The following GMDS variants were observed in gnomAD, a reference collection of about 807,000 sequenced individuals.
The protein encoded by GMDS is GDP-mannose 4,6 dehydratase.
A neutral mutation model predicts 49.9 loss-of-function variants in GMDS; 20 were observed. The ratio of observed to expected loss-of-function variants is 0.40; its 90% CI spans 0.28 to 0.58. GMDS has a LOEUF of 0.58. Ranked by LOEUF, GMDS falls within the 20% of genes least tolerant of loss-of-function variation. The pLI, the probability that GMDS is intolerant of heterozygous loss-of-function variation, is 0.42. For synonymous variants in GMDS, 177 were observed against 178.6 expected (o/e 0.99, Z 0.07); for missense variants, 362 against 481.4 (o/e 0.75, Z 2.32).
chr6:1,626,270 A>G (rs1397458452), intron 9 of GMDS: 1 of 152,236 alleles, frequency 6.6e-6, no homozygotes, highest in African/African-American at 2.4e-5. Context: ...GCATTTCGCA[A>G]TACACTGAAG....
chr6:1,878,406 G>A (rs1158469847), intron 7 of GMDS, among the ~76,000 whole-genome samples: 1 of 152,008 alleles, frequency 6.6e-6, no homozygotes, highest in African/African-American at 2.4e-5. Context: ...TACAACTATG[G>A]GTCTTCCAAA....
intron 1 of GMDS, among the ~76,000 whole-genome samples, chr6:2,183,331 A>AT (rs1204728423): frequency 2.0e-5 from 3 of 152,144 alleles, no homozygotes; most frequent in East Asian, 3.9e-4. Flanking sequence ...ACTTATTAAC[A>AT]TAAGTTTGGA....
At chr6:2,139,122 G>C (rs1374875795) in intron 1 of GMDS, among the ~76,000 whole-genome samples, 2 of 151,998 alleles carry the variant, frequency 1.3e-5, no homozygotes, top group Non-Finnish European at 2.9e-5. Context: ...TGGGTGACAG[G>C]TACACTGAAA....
chr6:1,953,926 A>T (rs140380454), intron 6 of GMDS, among the ~76,000 whole-genome samples: 91 of 152,326 alleles, frequency 6.0e-4, no homozygotes, highest in Middle Eastern at 3.4e-3. Context: ...AAAGAAATGT[A>T]ATAAGGCAAG....
At chr6:1,863,925 T>G (rs1479383635) in intron 7 of GMDS, among the ~76,000 whole-genome samples, 3 of 152,102 alleles carry the variant, frequency 2.0e-5, no homozygotes, top group African/African-American at 7.2e-5. Flanking sequence ...ATGTGTCATT[T>G]AAAAAAAGCA....
chr6:1,668,290 C>G (rs192956783), intron 9 of GMDS, among the ~76,000 whole-genome samples: 2 of 151,966 alleles, frequency 1.3e-5, no homozygotes, highest in Admixed American at 6.6e-5. Flanking sequence ...TACTGGAGAA[C>G]AAATAAATGT....
intron 7 of GMDS, among the ~76,000 whole-genome samples, chr6:1,879,442 A>G (rs1206591150): frequency 1.3e-5 from 2 of 152,222 alleles, no homozygotes; most frequent in African/African-American, 2.4e-5. Flanking sequence ...CAGAGCCCCT[A>G]TGGGCCAATG....
chr6:1,809,713 T>C (rs947483261), intron 7 of GMDS, among the ~76,000 whole-genome samples: 1 of 152,070 alleles, frequency 6.6e-6, no homozygotes, highest in Non-Finnish European at 1.5e-5. Flanking sequence ...AGTGAAAGAA[T>C]TCTGAAATCC....
intron 7 of GMDS, among the ~76,000 whole-genome samples, chr6:1,825,034 C>G (rs1467867595): frequency 6.6e-6 from 1 of 152,144 alleles, no homozygotes. Context: ...CTCTCTTGGG[C>G]CAGAATTTAC....
chr6:2,098,009 GA>G (rs59289927), intron 4 of GMDS, among the ~76,000 whole-genome samples: 44 of 134,640 alleles, frequency 3.3e-4, no homozygotes, highest in South Asian at 1.5e-3. Context: ...TATGTTTTAA[GA>G]AAAAAAAAAA....
chr6:2,180,234 T>C (rs1330203900), intron 1 of GMDS, among the ~76,000 whole-genome samples: 1 of 152,152 alleles, frequency 6.6e-6, no homozygotes, highest in Non-Finnish European at 1.5e-5. Context: ...CTCAGGGAAA[T>C]AAAAGATGAA....
At chr6:2,193,800 T>G (rs1366454812) in intron 1 of GMDS, among the ~76,000 whole-genome samples, 1 of 145,530 alleles carries the variant, frequency 6.9e-6, no homozygotes, top group East Asian at 2.0e-4. Context: ...CTCGGCTCAC[T>G]GCAAGCTCTA....
chr6:2,026,723 A>C (rs1768623593), intron 4 of GMDS, among the ~76,000 whole-genome samples: 1 of 152,234 alleles, frequency 6.6e-6, no homozygotes. Context: ...ATACAGAGCA[A>C]AGTGAACTTC....
At position 1,635,016 on chromosome 6, in the gene GMDS, G is replaced by T. The variant is rs369818727; in HGVS notation, c.988-10476C>A. On this transcript the variant is annotated intron_variant, in intron 9 of 10. Coordinates refer to ENST00000380815, the MANE Select transcript of GMDS (RefSeq NM_001500.4). The surrounding 1 kb of genome is among the most constrained non-coding windows in gnomAD (Gnocchi z 4.7). The stretch of plus-strand genomic sequence containing the variant: ...TCTACGAATCAACAATGCCAGAAGC[G>T]AAGTTCTCCTAGTGGAGTCTGCGTG... Among the ~76,000 whole-genome samples the T allele has an allele frequency of 6.6e-6, 1 of 152,184 alleles. No individual in the cohort carries two copies. The highest frequency in any genetic ancestry group is 2.4e-5 in the African/African-American group (1 of 41,440).
At position 2,073,371 on chromosome 6, in the gene GMDS, T is replaced by C. The variant is rs1772128445; in HGVS notation, c.345+42400A>G. Among the ~76,000 whole-genome samples, 3 of 152,210 alleles carry C rather than the reference T, an allele frequency of 2.0e-5. No individual in the cohort carries two copies. In the South Asian group the frequency reaches 6.2e-4, roughly 32 times the overall value. The stretch of plus-strand genomic sequence containing the variant: ...CTGCTTTAAAAACAAACAAAAACTT[T>C]TGTTGATACATATTTTACATATTTT... On this transcript the variant is annotated intron_variant, in intron 4 of 10. Transcript: ENST00000380815.
At chr6:1,949,471 C>A (rs1234066398) in intron 6 of GMDS, among the ~76,000 whole-genome samples, 2 of 152,150 alleles carry the variant, frequency 1.3e-5, no homozygotes, top group African/African-American at 2.4e-5. Flanking sequence ...GAAAAACAAC[C>A]CCTTGAATTC....
intron 1 of GMDS, among the ~76,000 whole-genome samples, chr6:2,161,442 G>C (rs994054887): frequency 2.7e-4 from 41 of 152,174 alleles, no homozygotes; most frequent in African/African-American, 9.7e-4. Flanking sequence ...TGCACCTACT[G>C]TATCTACCAT....
At chr6:1,938,346 G>T (rs997189775) in intron 6 of GMDS, among the ~76,000 whole-genome samples, 13 of 152,056 alleles carry the variant, frequency 8.5e-5, no homozygotes, top group African/African-American at 2.7e-4. Flanking sequence ...TCTTTCTTGT[G>T]GCATAAATTC....
intron 4 of GMDS, among the ~76,000 whole-genome samples, chr6:2,043,986 T>C (rs1769843997): frequency 6.6e-6 from 1 of 152,134 alleles, no homozygotes; most frequent in African/African-American, 2.4e-5. Flanking sequence ...CACTGATCAT[T>C]AGAGAAATGC....
Sources: allele counts gnomAD v4.1 joint callset (sites outside exome capture counted in the v4.1 genomes callset), GRCh38; gene constraint gnomAD v4.1.1; non-coding constraint Gnocchi (gnomAD v3.1); transcripts MANE v1.5; gene names NCBI Gene and HGNC (gene_info 2026-07-23, HGNC 2026-07-21).